CDKAL1: variants seen among roughly 807,000 people sequenced by gnomAD.
The protein encoded by CDKAL1 is threonylcarbamoyladenosine tRNA methylthiotransferase.
CDKAL1 carries 32 observed loss-of-function variants against 68.2 expected under a neutral mutation model. The ratio of observed to expected loss-of-function variants is 0.47; its 90% CI spans 0.35 to 0.63. The LOEUF is 0.63. Ranked by LOEUF, CDKAL1 falls within the 30% of genes least tolerant of loss-of-function variation. The pLI, the probability that CDKAL1 is intolerant of heterozygous loss-of-function variation, is 0.00. For missense variants in CDKAL1, 606 were observed against 696.7 expected, an observed-to-expected ratio of 0.87 and a Z score of 1.47; for synonymous variants, 234 against 244.3, an observed-to-expected ratio of 0.96 and a Z score of 0.39.
chr6:21,152,866 C>G (rs182557364), intron 13 of CDKAL1, among the ~76,000 whole-genome samples: 1 of 152,312 alleles, frequency 6.6e-6, no homozygotes, highest in East Asian at 1.9e-4. Context: ...GAAGGAGTAC[C>G]AAACACATCT....
At chr6:20,607,138 T>A (rs1475990610) in intron 4 of CDKAL1, among the ~76,000 whole-genome samples, 1 of 152,140 alleles carries the variant, frequency 6.6e-6, no homozygotes, top group Non-Finnish European at 1.5e-5. Context: ...TTTCTTTCCT[T>A]GAGTAAAAGG....
chr6:20,847,960 C>A (rs1225663827), intron 9 of CDKAL1, among the ~76,000 whole-genome samples: 1 of 152,168 alleles, frequency 6.6e-6, no homozygotes, highest in Non-Finnish European at 1.5e-5. Context: ...GATCCAAATA[C>A]CCCCTAGATG....
At chr6:20,549,352 A>G (rs1167457761) in intron 4 of CDKAL1, among the ~76,000 whole-genome samples, 3 of 152,130 alleles carry the variant, frequency 2.0e-5, no homozygotes, top group Admixed American at 6.6e-5. Context: ...AGTGCGTCAT[A>G]TCGGGGTCAT....
intron 10 of CDKAL1, chr6:20,993,378 T>G (rs1375619360): frequency 6.6e-6 from 1 of 152,212 alleles, no homozygotes; most frequent in Non-Finnish European, 1.5e-5. Flanking sequence ...GTGTAAAGTT[T>G]AGCATTTTGA....
At chr6:21,183,365 C>T (rs909817601) in intron 13 of CDKAL1, among the ~76,000 whole-genome samples, 1 of 152,184 alleles carries the variant, frequency 6.6e-6, no homozygotes, top group Non-Finnish European at 1.5e-5. Flanking sequence ...ACCAGGAGTG[C>T]TGACCTGTGC....
chr6:20,564,349 A>G (rs1024718389), intron 4 of CDKAL1, among the ~76,000 whole-genome samples: 2 of 152,194 alleles, frequency 1.3e-5, no homozygotes, highest in African/African-American at 2.4e-5. Flanking sequence ...GTTTTTGTAC[A>G]ATTTAGCTCA....
chr6:20,678,497 T>C (rs1770227625), intron 5 of CDKAL1, among the ~76,000 whole-genome samples: 1 of 152,194 alleles, frequency 6.6e-6, no homozygotes, highest in African/African-American at 2.4e-5. Context: ...GTTAAGCTTC[T>C]TTACAGTCAG....
chr6:21,056,558 A>G (rs1034859215), intron 11 of CDKAL1, among the ~76,000 whole-genome samples: 9 of 152,126 alleles, frequency 5.9e-5, no homozygotes, highest in Non-Finnish European at 1.0e-4. Flanking sequence ...TTCCAATACT[A>G]TGTTGAACAG....
chr6:20,955,344 A>G lies in CDKAL1; in HGVS notation c.743-75A>G, dbSNP rs926671752. 173 of 1,445,018 alleles carry G rather than the reference A, an allele frequency of 1.2e-4. 2 individuals are homozygous for G. In the Admixed American group the frequency reaches 3.0e-3, roughly 25 times the overall value. The allele number at this position is 1,445,018 out of a possible 1,614,324, so 89.5% of individuals were successfully genotyped here. A position where few individuals can be genotyped will look rare whatever the true frequency, so the allele number is the denominator to read the frequency against. On this transcript the variant is annotated intron_variant, in intron 9 of 15. Transcript: ENST00000274695. ...TAATAGTGTTGAGAAATACTGCATT[A>G]AAAACAGTGAGCAGCTGTATGATGA...
intron 11 of CDKAL1, among the ~76,000 whole-genome samples, chr6:21,052,316 C>T (rs530566533): frequency 1.3e-5 from 2 of 151,974 alleles, no homozygotes; most frequent in Admixed American, 6.6e-5. Flanking sequence ...TTCCTTTATT[C>T]CTGGCCTTTT....
intron 8 of CDKAL1, among the ~76,000 whole-genome samples, chr6:20,818,232 G>A (rs1313140378): frequency 1.3e-5 from 2 of 152,118 alleles, no homozygotes; most frequent in Non-Finnish European, 2.9e-5. Flanking sequence ...AGGGTTAGCA[G>A]TTTCTTCACT....
At chr6:20,870,351 C>T (rs1286136337) in intron 9 of CDKAL1, among the ~76,000 whole-genome samples, 2 of 152,230 alleles carry the variant, frequency 1.3e-5, no homozygotes, top group Admixed American at 1.3e-4. Flanking sequence ...ACTTTTTTCC[C>T]CATTTACTTT....
chr6:20,845,986 C>T, intron 8 of CDKAL1, 89 bp from the exon 9 acceptor site: 1 of 724,320 alleles, frequency 1.4e-6, no homozygotes. Flanking sequence ...TCTGAAAGAG[C>T]ACTTTTGTGT....
At chr6:20,681,824 G>A (rs147911277) in intron 5 of CDKAL1, among the ~76,000 whole-genome samples, 29 of 152,296 alleles carry the variant, frequency 1.9e-4, no homozygotes, top group African/African-American at 7.0e-4. Flanking sequence ...GACTGTCTTA[G>A]TTTGCTCAGG....
At chr6:20,747,418 A>G (rs1397763906) in intron 6 of CDKAL1, among the ~76,000 whole-genome samples, 1 of 152,182 alleles carries the variant, frequency 6.6e-6, no homozygotes, top group Non-Finnish European at 1.5e-5. Flanking sequence ...ACTGTTTTCC[A>G]TAACGGCTGT....
chr6:20,678,336 G>T (rs1358758602), intron 5 of CDKAL1, among the ~76,000 whole-genome samples: 1 of 152,042 alleles, frequency 6.6e-6, no homozygotes, highest in Non-Finnish European at 1.5e-5. Flanking sequence ...TTCAATTTTG[G>T]CTTGGATTAT....
rs528474348 is a variant in CDKAL1 at position 20,915,694 on chromosome 6, C to T, written c.743-39725C>T. Among the ~76,000 whole-genome samples the T allele has an allele frequency of 2.0e-5, 3 of 152,236 alleles. No homozygotes were observed. The South Asian group carries it at 6.2e-4, about 32-fold the overall frequency. ...TACCGTGTGACCCAGCAGTCTTACT[C>T]CTGGATATTTACACTAGAGAAATGA... is the stretch of plus-strand genomic sequence containing the variant. On this transcript the variant is annotated intron_variant, in intron 9 of 15. Coordinates refer to ENST00000274695, the MANE Select transcript of CDKAL1 (RefSeq NM_017774.3).
At chr6:20,822,038 A>G (rs1233587157) in intron 8 of CDKAL1, among the ~76,000 whole-genome samples, 1 of 152,156 alleles carries the variant, frequency 6.6e-6, no homozygotes, top group Non-Finnish European at 1.5e-5. Context: ...ATGTTTACAT[A>G]TTGTGTATGG....
chr6:20,546,227 A>C, intron 2 of CDKAL1, 119 bp from the exon 3 acceptor site: 1 of 700,730 alleles, frequency 1.4e-6, no homozygotes, highest in Non-Finnish European at 2.4e-6. Flanking sequence ...ATTTTCTATA[A>C]ATTTGAAGTT....
Sources: allele counts gnomAD v4.1 joint callset (sites outside exome capture counted in the v4.1 genomes callset), GRCh38; gene constraint gnomAD v4.1.1; transcripts MANE v1.5; gene names NCBI Gene and HGNC (gene_info 2026-07-23, HGNC 2026-07-21).